CADM2: variants seen among roughly 807,000 people sequenced by gnomAD.
The protein encoded by CADM2 is cell adhesion molecule 2.
Under a neutral mutation model 49.8 loss-of-function variants are expected in CADM2, and 12 were observed. That is an observed-to-expected ratio of 0.24 (90% CI 0.15 to 0.39). The LOEUF (loss-of-function observed/expected upper bound fraction) is 0.39, where lower values mean the gene tolerates loss of function less well. Ranked by LOEUF, CADM2 falls within the 10% of genes least tolerant of loss-of-function variation. The probability of loss-of-function intolerance (pLI) is 1.00; values close to 1 mark genes in which losing one functional copy is unlikely to be tolerated. For missense variants in CADM2, 378 were observed against 492.3 expected (o/e 0.77, Z 2.20); for synonymous variants, 214 against 175.4 (o/e 1.22, Z -1.74).
At chr3:85,112,352 T>A (rs1307923806) in intron 1 of CADM2, among the ~76,000 whole-genome samples, 1 of 142,410 alleles carries the variant, frequency 7.0e-6, no homozygotes, top group East Asian at 2.1e-4. Flanking sequence ...CTGGAGAAAC[T>A]GTCATTTTTT....
chr3:85,480,233 T>C (rs2039154600), intron 1 of CADM2, among the ~76,000 whole-genome samples: 1 of 151,926 alleles, frequency 6.6e-6, no homozygotes, highest in Non-Finnish European at 1.5e-5. Flanking sequence ...ATAAATTTTG[T>C]TCATTACTCC....
At position 85,283,733 on chromosome 3, in the gene CADM2, A is replaced by G. The variant is rs181942472; in HGVS notation, c.61+324065A>G. On this transcript the variant is annotated intron_variant, in intron 1 of 9. Coordinates refer to ENST00000383699, the MANE Select transcript of CADM2 (RefSeq NM_001167675.2). The stretch of plus-strand genomic sequence containing the variant: ...ATACTTTGCTTCAAAGATGTTTAGA[A>G]AATATCTGCAATGTACATTATGTAT... 1.8e-4 allele frequency among the ~76,000 whole-genome samples: 28 copies of G among 152,278 alleles called. 1 individual carries two copies. The East Asian group carries it at 5.0e-3, about 27-fold the overall frequency.
intron 8 of CADM2, among the ~76,000 whole-genome samples, chr3:86,054,995 C>T (rs1201483195): frequency 6.6e-6 from 1 of 151,982 alleles, no homozygotes; most frequent in Non-Finnish European, 1.5e-5. Flanking sequence ...GGCAGAACAG[C>T]TCCAAGAGAG....
chr3:85,703,979 C>A (rs1171868837), intron 1 of CADM2, among the ~76,000 whole-genome samples: 5 of 152,180 alleles, frequency 3.3e-5, no homozygotes, highest in African/African-American at 1.2e-4. Context: ...TGCTCTGCAA[C>A]ATTGATTCAG....
At chr3:85,972,202 C>CT in intron 8 of CADM2, among the ~76,000 whole-genome samples, 1 of 151,656 alleles carries the variant, frequency 6.6e-6, no homozygotes, top group East Asian at 2.0e-4. Flanking sequence ...AAATGTCCTT[C>CT]TTTTTTTGTA....
At chr3:85,217,929 T>C (rs2041963882) in intron 1 of CADM2, among the ~76,000 whole-genome samples, 2 of 152,088 alleles carry the variant, frequency 1.3e-5, no homozygotes, top group African/African-American at 4.8e-5. Flanking sequence ...ATGGTCACCT[T>C]TTTTATTCTC....
At chr3:85,876,006 G>A (rs1447083939) in intron 3 of CADM2, among the ~76,000 whole-genome samples, 5 of 152,158 alleles carry the variant, frequency 3.3e-5, no homozygotes, top group Admixed American at 2.0e-4. Flanking sequence ...GAAAGCACAT[G>A]CACTGAGGCT....
At chr3:85,232,406 A>G (rs2042314797) in intron 1 of CADM2, among the ~76,000 whole-genome samples, 1 of 152,006 alleles carries the variant, frequency 6.6e-6, no homozygotes, top group African/African-American at 2.4e-5. Context: ...CTGAGTTCTT[A>G]TTTGTTCCTG....
intron 1 of CADM2, among the ~76,000 whole-genome samples, chr3:84,983,351 G>A (rs2032328073): frequency 7.0e-6 from 1 of 143,666 alleles, no homozygotes; most frequent in Non-Finnish European, 1.5e-5. Flanking sequence ...GAGATTTCTT[G>A]TCTATATCTG....
intron 1 of CADM2, among the ~76,000 whole-genome samples, chr3:85,157,353 T>C (rs1054077816): frequency 6.0e-5 from 9 of 151,176 alleles, no homozygotes; most frequent in African/African-American, 2.2e-4. Flanking sequence ...AAAGTTCATA[T>C]GGAACCAAAA....
chr3:85,270,319 T>A (rs1399133967), intron 1 of CADM2, among the ~76,000 whole-genome samples: 1 of 151,382 alleles, frequency 6.6e-6, no homozygotes, highest in Admixed American at 6.6e-5. Flanking sequence ...TTCTCTAAGG[T>A]CTGGTTTGTC....
chr3:85,460,290 G>A (rs78245181), intron 1 of CADM2, among the ~76,000 whole-genome samples: 7 of 150,646 alleles, frequency 4.6e-5, no homozygotes, highest in Non-Finnish European at 8.9e-5. Flanking sequence ...AAAAAAAAAT[G>A]TGTTATCTAT....
At chr3:85,711,141 A>G (rs956751694) in intron 1 of CADM2, among the ~76,000 whole-genome samples, 6 of 152,160 alleles carry the variant, frequency 3.9e-5, no homozygotes, top group African/African-American at 1.4e-4. Flanking sequence ...GGAAAATAGC[A>G]TCATGATGCA....
At chr3:86,051,951 T>C (rs1045969766) in intron 8 of CADM2, among the ~76,000 whole-genome samples, 1 of 150,104 alleles carries the variant, frequency 6.7e-6, no homozygotes, top group African/African-American at 2.4e-5. Flanking sequence ...CAGATCTAAA[T>C]CATATCAGTG....
chr3:85,351,916 T>A (rs2031389942), intron 1 of CADM2, among the ~76,000 whole-genome samples: 1 of 151,984 alleles, frequency 6.6e-6, no homozygotes, highest in Admixed American at 6.6e-5. Context: ...AGTGCAGACA[T>A]CCATTAGAGA....
At chr3:85,132,366 C>G (rs1416962886) in intron 1 of CADM2, among the ~76,000 whole-genome samples, 1 of 152,122 alleles carries the variant, frequency 6.6e-6, no homozygotes, top group South Asian at 2.1e-4. Context: ...TAATGAGAGC[C>G]AGTTTCTTAG....
At chr3:84,961,806 T>A (rs2030552700) in intron 1 of CADM2, among the ~76,000 whole-genome samples, 1 of 152,300 alleles carries the variant, frequency 6.6e-6, no homozygotes, top group Admixed American at 6.5e-5. Flanking sequence ...GCTGCGAAAT[T>A]ATTTATTATA....
intron 1 of CADM2, among the ~76,000 whole-genome samples, chr3:85,486,542 A>G (rs1333438725): frequency 1.3e-5 from 2 of 152,148 alleles, no homozygotes; most frequent in African/African-American, 2.4e-5. Context: ...TTTAACTATT[A>G]TCAAGGAAAT....
intron 1 of CADM2, among the ~76,000 whole-genome samples, chr3:85,395,480 T>C (rs17022752): frequency 0.021 from 3,136 of 152,192 alleles, 102 homozygotes; most frequent in African/African-American, 0.071. Flanking sequence ...AAAATGAATG[T>C]TTCTGGCTGC....
Sources: gnomAD v4.1 joint callset for allele counts (sites outside exome capture counted in the v4.1 genomes callset) on GRCh38, gnomAD v4.1.1 for gene constraint, MANE v1.5 for transcripts, NCBI Gene and HGNC (gene_info 2026-07-23, HGNC 2026-07-21) for gene names.